ATG4D: variants seen among roughly 807,000 people sequenced by gnomAD.
ATG4D encodes the protein cysteine protease ATG4D.
In ATG4D, 51 loss-of-function variants were observed where a neutral mutation model predicts 55.2. The ratio of observed to expected loss-of-function variants is 0.92; its 90% CI spans 0.74 to 1.17. The LOEUF is 1.17. ATG4D is among the 50% of genes most tolerant of loss of function. The probability of loss-of-function intolerance (pLI) is 0.00; values close to 1 mark genes in which losing one functional copy is unlikely to be tolerated. For missense variants in ATG4D, 635 were observed against 649.6 expected (o/e 0.98, Z 0.25); for synonymous variants, 268 against 266.2 (o/e 1.01, Z -0.07).
Position 10,547,133 on chromosome 19 carries a change from G to A in ATG4D, c.770+18G>A, listed in dbSNP as rs745581549. ...ATCCTCAGGTGAGGGCTGCTGCAGG[G>A]ATCACGGGAGTTGCTGGGTACCCGC... On this transcript the variant is annotated intron_variant, in intron 4 of 9. Transcript: ENST00000309469. The A allele has an allele frequency of 5.6e-6, 9 of 1,609,390 alleles. No individual in the cohort carries two copies. The South Asian group carries it at 1.0e-4, about 18-fold the overall frequency.
In ATG4D at chr19:10,553,177, C is replaced by T. The variant is rs1916358106; in HGVS notation, c.*110C>T. ...GATGATGGTACTTCCTGTTGTCAGCCCCTCAAGCCCAGCTGCAACCAGTCT... is the reference window on the plus strand; with the variant it reads ...GATGATGGTACTTCCTGTTGTCAGCTCCTCAAGCCCAGCTGCAACCAGTCT... On this transcript the variant is annotated 3_prime_UTR_variant, in exon 10 of 10. Coordinates refer to ENST00000309469, the MANE Select transcript of ATG4D (RefSeq NM_032885.6). The T allele has an allele frequency of 1.5e-6, 2 of 1,340,868 alleles. No individual in the cohort carries two copies. Among genetic ancestry groups the T allele is most frequent in the African/African-American group, 1.5e-5 (1 of 67,942 alleles). The allele number at this position is 1,340,868 out of a possible 1,614,324, so 83.1% of individuals were successfully genotyped here.
At chr19:10,550,158 C>A (rs1568417001) in intron 6 of ATG4D, among the ~76,000 whole-genome samples, 1 of 152,078 alleles carries the variant, frequency 6.6e-6, no homozygotes, top group African/African-American at 2.4e-5. Flanking sequence ...CAGGTGTATG[C>A]CACCACGCCC....
Position 10,544,112 on chromosome 19 carries a change from G to T in ATG4D, c.22G>T (p.Ala8Ser). ...GTCCATGAACTCAGTGTCGCCGGCC[G>T]CCGCGCAGTACCGGAGCAGCAGCCC... MNSVSPA[A>S]AQYRSSSPED... is the part of the protein sequence containing the mutation. Residue 8 changes from alanine (A) to serine (S), a missense_variant, in exon 1 of 10, where the codon GCC becomes TCC. Physicochemically the swap from Ala to Ser is moderately conservative, Grantham distance 99 (BLOSUM62 1). Transcript: ENST00000309469. 1 of 1,241,858 alleles carries T rather than the reference G, an allele frequency of 8.1e-7. No homozygotes were observed. Among genetic ancestry groups the T allele is most frequent in the Non-Finnish European group, 1.0e-6 (1 of 985,896 alleles). The allele number at this position is 1,241,858 out of a possible 1,614,324, so 76.9% of individuals were successfully genotyped here. A position where few individuals can be genotyped will look rare whatever the true frequency, so the allele number is the denominator to read the frequency against.
At chr19:10,546,753 A>G in intron 3 of ATG4D, 86 bp from the exon 4 acceptor site, 1 of 1,380,944 alleles carries the variant, frequency 7.2e-7, no homozygotes. Context: ...GTTCAGGAGC[A>G]TTCGCATTGT....
rs748159013 is a variant in ATG4D, at chr19:10,544,758, G to C, written c.236-25G>C. Reference sequence around the variant, plus strand: ...TGTCATGCAAGTGCTTCATCTCGCTGGGCGCTGCCCCTACGTCTCCCCAGG... The same window carrying C: ...TGTCATGCAAGTGCTTCATCTCGCTCGGCGCTGCCCCTACGTCTCCCCAGG... On this transcript the variant is annotated intron_variant, in intron 1 of 9. Transcript: ENST00000309469. 4 of 1,612,850 alleles carry C rather than the reference G, an allele frequency of 2.5e-6. No homozygotes were observed. In the Middle Eastern group the frequency reaches 5.3e-4, roughly 212 times the overall value.
At chr19:10,549,064 C>T (rs753829101) in intron 6 of ATG4D, 30 bp downstream of exon 6, 67 of 1,612,748 alleles carry the variant, frequency 4.2e-5, no homozygotes, top group Non-Finnish European at 4.8e-5. Context: ...AGGACACCTC[C>T]ACCTGGGAGC....
intron 1 of ATG4D, 32 bp from the exon 2 acceptor site, chr19:10,544,751 T>A (rs746758927): frequency 6.2e-7 from 1 of 1,611,996 alleles, no homozygotes; most frequent in Admixed American, 1.7e-5. Context: ...AAGTGCTTCA[T>A]CTCGCTGGGC....
chr19:10,545,100 C>A lies in ATG4D; in HGVS notation c.463C>A (p.Gln155Lys), dbSNP rs752851309. Reference sequence around the variant, plus strand: ...ACGCAGCGGCCAGATGATGCTGGCACAGGGCCTTCTGCTGCATTTCCTGCC... The same window carrying A: ...ACGCAGCGGCCAGATGATGCTGGCAAAGGGCCTTCTGCTGCATTTCCTGCC... ...MLRSGQMMLA[Q>K]GLLLHFLPRD... Residue 155 changes from glutamine to lysine, a missense_variant, in exon 3 of 10, where the codon CAG (glutamine) becomes AAG (lysine). Gln to Lys is a moderately conservative substitution (Grantham distance 53). Coordinates refer to ENST00000309469, the MANE Select transcript of ATG4D (RefSeq NM_032885.6). The A allele has an allele frequency of 1.2e-6, 2 of 1,611,890 alleles. No individual in the cohort carries two copies. The highest frequency in any genetic ancestry group is 2.7e-5 in the African/African-American group (2 of 74,936).
intron 9 of ATG4D, 39 bp downstream of exon 9, chr19:10,552,363 G>T (rs746443658): frequency 4.4e-6 from 7 of 1,586,642 alleles, no homozygotes; most frequent in Middle Eastern, 1.7e-4. Flanking sequence ...GAGGGGGGCG[G>T]TTGGGCAGGG....
chr19:10,546,674 C>CA (rs893115354), intron 3 of ATG4D, among the ~76,000 whole-genome samples, 165 bp from the exon 4 acceptor site: 45 of 152,042 alleles, frequency 3.0e-4, no homozygotes, highest in African/African-American at 1.1e-3. Flanking sequence ...CTTTAAGTAA[C>CA]AAAAAATAAA....
At position 10,544,252 on chromosome 19, in the gene ATG4D, T is replaced by C; in HGVS notation, c.162T>C (p.Ala54=). Residue 54 remains alanine (A), a synonymous_variant, in exon 1 of 10, where the codon GCT becomes GCC. Coordinates refer to ENST00000309469, the MANE Select transcript of ATG4D (RefSeq NM_032885.6). ...GCCCCGCTCTTGGCTCTCCCGGGGC[T>C]GGCCCGAGTGAGCCGGACGAAGTGG... is the stretch of plus-strand genomic sequence containing the variant. ...ASGPALGSPG[A]GPSEPDEVDK... The C allele has an allele frequency of 3.2e-6, 4 of 1,265,208 alleles. No individual in the cohort carries two copies. Among genetic ancestry groups the C allele is most frequent in the Non-Finnish European group, 4.0e-6 (4 of 997,108 alleles). 78.4% of individuals were successfully genotyped at this position (1,265,208 alleles called of 1,614,324 possible).
chr19:10,544,267 G>C lies in ATG4D; in HGVS notation c.177G>C (p.Pro59=), dbSNP rs753444972. Residue 59 remains proline (P), a synonymous_variant, in exon 1 of 10, where the codon CCG becomes CCC. Transcript: ENST00000309469. ...CTCCCGGGGCTGGCCCGAGTGAGCC[G>C]GACGAAGTGGACAAGTTCAAGGCCA... ...LGSPGAGPSE[P]DEVDKFKAKF... is the part of the protein sequence containing the mutation. The C allele has an allele frequency of 4.7e-6, 6 of 1,272,680 alleles. No homozygotes were observed. The highest frequency in any genetic ancestry group is 7.8e-5 in the Admixed American group (2 of 25,628). 78.8% of individuals were successfully genotyped at this position (1,272,680 alleles called of 1,614,324 possible).
intron 6 of ATG4D, among the ~76,000 whole-genome samples, chr19:10,549,571 C>T (rs2144692655): frequency 6.6e-6 from 1 of 152,260 alleles, no homozygotes; most frequent in South Asian, 2.1e-4. Context: ...GCGTGTGCCA[C>T]CACGCCCGGC....
In ATG4D at chr19:10,548,954, G is replaced by A. The variant is rs752546576; in HGVS notation, c.886G>A (p.Glu296Lys). Reference sequence around the variant, plus strand: ...GGTGGCCAGGCCAGACCCCACAGCCGAGTGGAAGTCTGTGGTCATCCTGGT... The same window carrying A: ...GGTGGCCAGGCCAGACCCCACAGCCAAGTGGAAGTCTGTGGTCATCCTGGT... ...RLVARPDPTA[E>K]WKSVVILVPV... Residue 296 changes from glutamate to lysine, a missense_variant, in exon 6 of 10, where the codon GAG becomes AAG. Coordinates refer to ENST00000309469, the MANE Select transcript of ATG4D (RefSeq NM_032885.6). 16 of 1,614,098 alleles carry A rather than the reference G, an allele frequency of 9.9e-6. No individual in the cohort carries two copies. The highest frequency in any genetic ancestry group is 4.5e-5 in the East Asian group (2 of 44,874).
rs201305202 is a variant in ATG4D, at chr19:10,551,869, C to T, written c.967-28C>T. On this transcript the variant is annotated intron_variant, in intron 6 of 9. Transcript: ENST00000309469. ...AAGCGTTTGTTGAGTGGCTGCCTGA[C>T]AGCACCTGCCTACCCTCCTCCCTGC... 8 of 1,611,830 alleles carry T rather than the reference C, an allele frequency of 5.0e-6. No homozygotes were observed. The East Asian group carries it at 1.8e-4, about 36-fold the overall frequency.
intron 5 of ATG4D, 66 bp downstream of exon 5, chr19:10,547,319 T>C: frequency 6.4e-7 from 1 of 1,558,538 alleles, no homozygotes; most frequent in Non-Finnish European, 8.8e-7. Flanking sequence ...TACCCGATTC[T>C]TAGAGTGCAT....
Position 10,552,340 on chromosome 19 carries a change from G to C in ATG4D, c.1242+16G>C. 6.2e-7 allele frequency: 1 copy of C among 1,606,468 alleles called. No individual in the cohort carries two copies. The highest frequency in any genetic ancestry group is 8.5e-7 in the Non-Finnish European group (1 of 1,176,332). ...GCTGACCAGGGTGAGCAAGAGGAAAGCTGGAGTGGGGTGAGGGGGGCGGTT... is the reference window on the plus strand; with the variant it reads ...GCTGACCAGGGTGAGCAAGAGGAAACCTGGAGTGGGGTGAGGGGGGCGGTT... On this transcript the variant is annotated intron_variant, in intron 9 of 9. Coordinates refer to ENST00000309469, the MANE Select transcript of ATG4D (RefSeq NM_032885.6).
chr19:10,546,900 C>T lies in ATG4D; in HGVS notation c.555C>T (p.Pro185=), dbSNP rs1916048210. The change falls in exon 4 of 10, where the codon CCC becomes CCT. Residue 185 remains proline (P), a synonymous_variant. Coordinates refer to ENST00000309469, the MANE Select transcript of ATG4D (RefSeq NM_032885.6). The stretch of plus-strand genomic sequence containing the variant: ...CTGAGCTGTCAGGGTCAGCCTCTCC[C>T]AGCCGGTACCATGGGCCTGCCCGCT... The part of the protein sequence containing the change: ...GPPELSGSAS[P]SRYHGPARWM... 3 of 1,610,856 alleles carry T rather than the reference C, an allele frequency of 1.9e-6. No homozygotes were observed. Among genetic ancestry groups the T allele is most frequent in the East Asian group, 4.5e-5 (2 of 44,832 alleles).
chr19:10,553,303 C>G lies in ATG4D; in HGVS notation c.*236C>G, dbSNP rs546576171. On this transcript the variant is annotated 3_prime_UTR_variant, in exon 10 of 10. Transcript: ENST00000309469. ...TAGGGAAGGAGGACCCCGGGCACCC[C>G]CCTCAGGGCCTGACTCACGTACTGT... is the stretch of plus-strand genomic sequence containing the variant. 16 of 523,516 alleles carry G rather than the reference C, an allele frequency of 3.1e-5. No homozygotes were observed. The highest frequency in any genetic ancestry group is 5.3e-4 in the Middle Eastern group (1 of 1,870). The allele number at this position is 523,516 out of a possible 1,614,324, so 32.4% of individuals were successfully genotyped here.
Sources: allele counts gnomAD v4.1 joint callset (sites outside exome capture counted in the v4.1 genomes callset), GRCh38; gene constraint gnomAD v4.1.1; transcripts MANE v1.5; gene names NCBI Gene and HGNC (gene_info 2026-07-23, HGNC 2026-07-21).